PRKG1: variants seen among roughly 807,000 people sequenced by gnomAD.
PRKG1 encodes protein kinase cGMP-dependent 1, also known as cGMP-dependent protein kinase 1.
In PRKG1, 35 loss-of-function variants were observed where a neutral mutation model predicts 88.1. That is an observed-to-expected ratio of 0.40 (90% CI 0.30 to 0.53). The LOEUF (loss-of-function observed/expected upper bound fraction) is 0.53. PRKG1 is among the 20% of genes least tolerant of loss of function. PRKG1 has a pLI of 0.59. For synonymous variants in PRKG1, 303 were observed against 292.5 expected (o/e 1.04, Z -0.37); for missense variants, 540 against 839.8 (o/e 0.64, Z 4.41).
intron 3 of PRKG1, among the ~76,000 whole-genome samples, chr10:51,557,489 A>C (rs1837344258): frequency 6.6e-6 from 1 of 151,802 alleles, no homozygotes; most frequent in African/African-American, 2.4e-5. Flanking sequence ...CTTATAAGGG[A>C]GTTATGAGTA....
intron 2 of PRKG1, among the ~76,000 whole-genome samples, chr10:51,177,221 A>G (rs953523565): frequency 6.6e-6 from 1 of 152,180 alleles, no homozygotes; most frequent in African/African-American, 2.4e-5. Context: ...ATTCCTTCAC[A>G]ATCATACTTA....
intron 3 of PRKG1, among the ~76,000 whole-genome samples, chr10:51,476,997 C>T (rs778026267): frequency 4.6e-5 from 7 of 152,058 alleles, no homozygotes; most frequent in Non-Finnish European, 1.0e-4. Flanking sequence ...GGTGAGGCAA[C>T]TGAGTTTTAA....
intron 9 of PRKG1, among the ~76,000 whole-genome samples, chr10:52,242,827 T>C (rs1293320855): frequency 1.3e-5 from 2 of 150,740 alleles, no homozygotes; most frequent in African/African-American, 4.9e-5. Flanking sequence ...ACCCAGGAGG[T>C]AGAGGTTACA....
chr10:51,479,181 T>C (rs2132842372), intron 3 of PRKG1, among the ~76,000 whole-genome samples: 1 of 152,156 alleles, frequency 6.6e-6, no homozygotes, highest in African/African-American at 2.4e-5. Context: ...CAGCAGAATA[T>C]TTTTCTGTAT....
chr10:51,775,456 T>C (rs1838409329), intron 3 of PRKG1, among the ~76,000 whole-genome samples: 1 of 152,138 alleles, frequency 6.6e-6, no homozygotes, highest in Admixed American at 6.6e-5. Flanking sequence ...ACATTTTGAA[T>C]TTAAAAATAT....
At chr10:51,562,020 C>T (rs1392550450) in intron 3 of PRKG1, among the ~76,000 whole-genome samples, 4 of 151,834 alleles carry the variant, frequency 2.6e-5, no homozygotes, top group Admixed American at 6.6e-5. Context: ...ATCAGGAGTT[C>T]GAGACCAGCC....
chr10:52,026,375 C>A (rs1459506709), intron 5 of PRKG1, among the ~76,000 whole-genome samples: 1 of 152,142 alleles, frequency 6.6e-6, no homozygotes, highest in African/African-American at 2.4e-5. Context: ...GTCTACCTGA[C>A]TTAAAAAGAA....
At chr10:52,114,603 C>T (rs961386680) in intron 7 of PRKG1, among the ~76,000 whole-genome samples, 1 of 150,770 alleles carries the variant, frequency 6.6e-6, no homozygotes, top group Non-Finnish European at 1.5e-5. Flanking sequence ...ATACCTAGCA[C>T]AGAGAAGTGC....
chr10:51,412,361 T>A (rs997413506), intron 2 of PRKG1, among the ~76,000 whole-genome samples: 6 of 152,030 alleles, frequency 3.9e-5, no homozygotes, highest in African/African-American at 1.2e-4. Context: ...CCCAAAACCA[T>A]CCTAAGGGCA....
At chr10:51,461,061 C>T (rs1240526253) in intron 2 of PRKG1, among the ~76,000 whole-genome samples, 1 of 151,954 alleles carries the variant, frequency 6.6e-6, no homozygotes, top group Non-Finnish European at 1.5e-5. Flanking sequence ...TGATTCACAA[C>T]CAAGAATAAC....
At chr10:51,012,079 C>T (rs1843000421) in intron 1 of PRKG1, among the ~76,000 whole-genome samples, 1 of 152,112 alleles carries the variant, frequency 6.6e-6, no homozygotes, top group Non-Finnish European at 1.5e-5. Flanking sequence ...AATTGCCTCC[C>T]GTGACATGTG....
intron 2 of PRKG1, among the ~76,000 whole-genome samples, chr10:51,286,743 T>C (rs1840451189): frequency 6.6e-6 from 1 of 152,238 alleles, no homozygotes; most frequent in Non-Finnish European, 1.5e-5. Context: ...TAATATATTA[T>C]TGTTGACTAT....
At chr10:51,018,689 T>G (rs1843098735) in intron 1 of PRKG1, among the ~76,000 whole-genome samples, 1 of 152,220 alleles carries the variant, frequency 6.6e-6, no homozygotes. Context: ...CTGAATATGT[T>G]TTTTAAAAGT....
intron 2 of PRKG1, among the ~76,000 whole-genome samples, chr10:51,350,073 G>A (rs1842206539): frequency 6.6e-6 from 1 of 152,138 alleles, no homozygotes; most frequent in African/African-American, 2.4e-5. Context: ...GATCACTTCT[G>A]TGCTAATGAC....
rs537577312 is a variant in PRKG1 at position 51,809,158 on chromosome 10, GC to G, written c.698+4473del. 3.0e-3 allele frequency among the ~76,000 whole-genome samples: 456 copies of G among 151,958 alleles called. 4 individuals are homozygous for G. The highest frequency in any genetic ancestry group is 0.01 in the African/African-American group (435 of 41,450). On this transcript the variant is annotated intron_variant, in intron 4 of 17. Coordinates refer to ENST00000373980, the MANE Select transcript of PRKG1 (RefSeq NM_006258.4). ...TTGTAACTCCCAGTCATGTGGTTTG[GC>G]CCCCTCTTTGCTATTAGATGCCACA... is the stretch of plus-strand genomic sequence containing the variant.
chr10:51,147,423 CA>C (rs1257677383), intron 1 of PRKG1, among the ~76,000 whole-genome samples: 1 of 127,776 alleles, frequency 7.8e-6, no homozygotes, highest in African/African-American at 3.4e-5. Flanking sequence ...TACTACATGT[CA>C]ACTAAAAGTA....
chr10:51,402,511 A>G (rs1215222138), intron 2 of PRKG1, among the ~76,000 whole-genome samples: 3 of 152,202 alleles, frequency 2.0e-5, no homozygotes, highest in Non-Finnish European at 4.4e-5. Flanking sequence ...CCTAAGGAAG[A>G]ATCAGCTAGG....
At chr10:51,670,177 A>G (rs1291308699) in intron 3 of PRKG1, among the ~76,000 whole-genome samples, 1 of 152,100 alleles carries the variant, frequency 6.6e-6, no homozygotes, top group Non-Finnish European at 1.5e-5. Context: ...TTCTGATATT[A>G]ACATATCTAT....
chr10:51,717,917 T>C (rs1264721049), intron 3 of PRKG1, among the ~76,000 whole-genome samples: 2 of 152,156 alleles, frequency 1.3e-5, no homozygotes, highest in African/African-American at 2.4e-5. Flanking sequence ...TAGGTCTTCA[T>C]TGGTTTCTGC....
Sources: gnomAD v4.1 joint callset for allele counts (sites outside exome capture counted in the v4.1 genomes callset) on GRCh38, gnomAD v4.1.1 for gene constraint, MANE v1.5 for transcripts, NCBI Gene and HGNC (gene_info 2026-07-23, HGNC 2026-07-21) for gene names.